The following HMGB1 variants were observed in gnomAD, a reference collection of about 807,000 sequenced individuals.
HMGB1 encodes the protein high mobility group protein B1.
For missense variants in HMGB1, 79 were observed against 253.5 expected, an observed-to-expected ratio of 0.31 and a Z score of 4.67; for synonymous variants, 81 against 84.0, an observed-to-expected ratio of 0.96 and a Z score of 0.19.
chr13:30,551,768 C>T (rs558788582), intron 1 of HMGB1, among the ~76,000 whole-genome samples: 28 of 152,220 alleles, frequency 1.8e-4, no homozygotes, highest in African/African-American at 6.3e-4. Flanking sequence ...TGCAGTGGTG[C>T]GATCATAGTT....
intron 1 of HMGB1, among the ~76,000 whole-genome samples, chr13:30,524,462 G>A (rs1888318478): frequency 6.6e-6 from 1 of 152,006 alleles, no homozygotes; most frequent in Non-Finnish European, 1.5e-5. Flanking sequence ...GTGGTGGACG[G>A]TGAAGGGGAA....
At chr13:30,547,524 C>T (rs761670523) in intron 1 of HMGB1, among the ~76,000 whole-genome samples, 5 of 152,116 alleles carry the variant, frequency 3.3e-5, no homozygotes, top group South Asian at 2.1e-4. Flanking sequence ...AGAACAGATA[C>T]GTGTTGATAC....
intron 1 of HMGB1, among the ~76,000 whole-genome samples, chr13:30,568,502 C>T (rs1870288933): frequency 6.6e-6 from 1 of 152,038 alleles, no homozygotes; most frequent in Admixed American, 6.6e-5. Flanking sequence ...AGTCAGACTC[C>T]CTGTCTCAGG....
chr13:30,493,902 C>A (rs1887554038), intron 1 of HMGB1, among the ~76,000 whole-genome samples: 1 of 151,522 alleles, frequency 6.6e-6, no homozygotes. Flanking sequence ...GTTGCTGAGC[C>A]CAGGATTTCA....
intron 1 of HMGB1, among the ~76,000 whole-genome samples, chr13:30,583,528 CAAAAAAAAAAAAA>C (rs35519297): frequency 3.0e-5 from 2 of 66,972 alleles, no homozygotes; most frequent in East Asian, 5.0e-4. Context: ...ACCTGGTCTC[CAAAAAAAAAAAAA>C]AAAAAAAAAA....
intron 1 of HMGB1, among the ~76,000 whole-genome samples, chr13:30,487,437 A>G (rs1887389406): frequency 6.6e-6 from 1 of 152,236 alleles, no homozygotes; most frequent in Non-Finnish European, 1.5e-5. Flanking sequence ...TCCTTTCCTC[A>G]GGAAGGTTCT....
At position 30,461,434 on chromosome 13, in the gene HMGB1, C is replaced by G; in HGVS notation, c.571G>C (p.Glu191Gln). Residue 191 changes from glutamate (E) to glutamine (Q), a missense_variant, in exon 5 of 5, where the codon GAG becomes CAG. Coordinates refer to ENST00000341423, the MANE Select transcript of HMGB1 (RefSeq NM_002128.7). ...SKKKKEEEED[E>Q]EDEEDEEEEE... ...TCCTCCTCATCCTCTTCATCTTCCTCATCTTCCTCCTCTTCCTTCTTTTTC... is the reference window on the plus strand; with the variant it reads ...TCCTCCTCATCCTCTTCATCTTCCTGATCTTCCTCCTCTTCCTTCTTTTTC... The G allele has an allele frequency of 1.3e-6, 2 of 1,595,480 alleles. No individual in the cohort carries two copies. The highest frequency in any genetic ancestry group is 1.7e-6 in the Non-Finnish European group (2 of 1,171,410).
chr13:30,489,533 T>C (rs1446910871), intron 1 of HMGB1, among the ~76,000 whole-genome samples: 1 of 152,146 alleles, frequency 6.6e-6, no homozygotes, highest in Non-Finnish European at 1.5e-5. Flanking sequence ...TAAATAAGCA[T>C]AGTTAAACAG....
At chr13:30,553,814 C>A in intron 1 of HMGB1, 1 of 1,365,962 alleles carries the variant, frequency 7.3e-7, no homozygotes. Context: ...GAAATAGATA[C>A]AGAGATGTAA....
At chr13:30,602,560 C>T (rs965784358) in intron 1 of HMGB1, among the ~76,000 whole-genome samples, 2 of 152,166 alleles carry the variant, frequency 1.3e-5, no homozygotes, top group African/African-American at 4.8e-5. Context: ...CCTCCAAAAA[C>T]TTCCAACTTT....
chr13:30,583,806 A>G (rs926269833), intron 1 of HMGB1, among the ~76,000 whole-genome samples: 10 of 144,470 alleles, frequency 6.9e-5, no homozygotes, highest in African/African-American at 2.6e-4. Flanking sequence ...CTGGTGACAG[A>G]GCGAGCGAGA....
At chr13:30,575,320 T>C (rs1870604069) in intron 1 of HMGB1, among the ~76,000 whole-genome samples, 2 of 152,198 alleles carry the variant, frequency 1.3e-5, no homozygotes, top group South Asian at 4.1e-4. Flanking sequence ...GATGAGGATG[T>C]ACTGGCCCTA....
intron 4 of HMGB1, 23 bp from the exon 5 acceptor site, chr13:30,461,556 A>G (rs1368734103): frequency 1.3e-5 from 20 of 1,575,854 alleles, no homozygotes; most frequent in Admixed American, 5.6e-5. Flanking sequence ...AGGGAGGATA[A>G]AACAGTAGGG....
chr13:30,545,590 C>T (rs77320788), intron 1 of HMGB1, among the ~76,000 whole-genome samples: 2,885 of 152,156 alleles, frequency 0.019, 96 homozygotes, highest in African/African-American at 0.065. Context: ...TCTAGAGCTT[C>T]GCTGTCCAAT....
Position 30,458,063 on chromosome 13 carries a change from AATT to A in HMGB1, c.*3291_*3293del, listed in dbSNP as rs1475616284. 1 of 152,136 alleles carries A rather than the reference AATT, an allele frequency of 6.6e-6. No individual in the cohort carries two copies. The highest frequency in any genetic ancestry group is 2.4e-5 in the African/African-American group (1 of 41,404). 9.4% of individuals were successfully genotyped at this position (152,136 alleles called of 1,614,324 possible). ...CCAAAGGCTCACATTTTAGCAAGTT[AATT>A]CTAAGACTTAAGCTGTGTACGGTGT... On this transcript the variant is annotated 3_prime_UTR_variant, in exon 5 of 5. Coordinates refer to ENST00000341423, the MANE Select transcript of HMGB1 (RefSeq NM_002128.7).
intron 1 of HMGB1, among the ~76,000 whole-genome samples, chr13:30,577,131 A>G (rs1451984701): frequency 6.6e-6 from 1 of 151,998 alleles, no homozygotes; most frequent in African/African-American, 2.4e-5. Context: ...TCACTCAAGG[A>G]GAGGAGTCTG....
intron 1 of HMGB1, among the ~76,000 whole-genome samples, chr13:30,485,076 G>A (rs1887334611): frequency 7.0e-6 from 1 of 142,326 alleles, no homozygotes; most frequent in South Asian, 2.2e-4. Context: ...CTGTTGCCCA[G>A]GCTGGAGTGC....
intron 1 of HMGB1, among the ~76,000 whole-genome samples, chr13:30,528,096 T>C (rs554833376): frequency 7.2e-5 from 11 of 152,368 alleles, no homozygotes; most frequent in Admixed American, 7.2e-4. Context: ...CTTAACAACC[T>C]GACCCAGAGC....
At chr13:30,488,217 CAG>C (rs1422615646) in intron 1 of HMGB1, among the ~76,000 whole-genome samples, 2 of 152,156 alleles carry the variant, frequency 1.3e-5, no homozygotes, top group Non-Finnish European at 2.9e-5. Flanking sequence ...GCGTGTAAAA[CAG>C]ACACCATTAA....
Sources: gnomAD v4.1 joint callset for allele counts (sites outside exome capture counted in the v4.1 genomes callset) on GRCh38, gnomAD v4.1.1 for gene constraint, MANE v1.5 for transcripts, NCBI Gene and HGNC (gene_info 2026-07-23, HGNC 2026-07-21) for gene names.